PCBP3: variants seen among roughly 807,000 people sequenced by gnomAD.
PCBP3 encodes poly(rC)-binding protein 3.
A neutral mutation model predicts 52.7 loss-of-function variants in PCBP3; 25 were observed. The observed-to-expected ratio is 0.47, with a 90% CI of 0.35 to 0.66. The LOEUF (loss-of-function observed/expected upper bound fraction) is 0.66, where lower values mean the gene tolerates loss of function less well. Ranked by LOEUF, PCBP3 falls within the 30% of genes least tolerant of loss-of-function variation. PCBP3 has a pLI of 0.01. For missense variants in PCBP3, 391 were observed against 490.3 expected, an observed-to-expected ratio of 0.80 and a Z score of 1.91; for synonymous variants, 162 against 183.0, an observed-to-expected ratio of 0.89 and a Z score of 0.93.
At chr21:45,694,069 A>G (rs190960015) in intron 2 of PCBP3, among the ~76,000 whole-genome samples, 43 of 152,254 alleles carry the variant, frequency 2.8e-4, no homozygotes, top group Non-Finnish European at 4.9e-4. Context: ...TGATAACACT[A>G]GAATAAATAA....
chr21:45,891,394 C>T (rs1056959085), intron 5 of PCBP3, among the ~76,000 whole-genome samples: 5 of 152,212 alleles, frequency 3.3e-5, no homozygotes, highest in Admixed American at 6.5e-5. Context: ...GGTTTTTTCC[C>T]ACGGTGGAAT....
chr21:45,846,139 G>A lies in PCBP3; in HGVS notation c.-125-3822G>A, dbSNP rs550789484. Among the ~76,000 whole-genome samples, 7 of 152,296 alleles carry A rather than the reference G, an allele frequency of 4.6e-5. No individual in the cohort carries two copies. The South Asian group carries it at 6.2e-4, about 14-fold the overall frequency. On this transcript the variant is annotated intron_variant, in intron 4 of 17. Coordinates refer to ENST00000681687, the MANE Select transcript of PCBP3 (RefSeq NM_001384156.1). ...AGGCGGGTCACTGCAGGAATGTGTCGTTCTGTCATGTCACTCTCTCGATGT... is the reference window on the plus strand; with the variant it reads ...AGGCGGGTCACTGCAGGAATGTGTCATTCTGTCATGTCACTCTCTCGATGT...
At chr21:45,892,472 G>GA in intron 5 of PCBP3, among the ~76,000 whole-genome samples, 1 of 11,678 alleles carries the variant, frequency 8.6e-5, no homozygotes, top group African/African-American at 4.2e-4. Context: ...ACGGGGCGTG[G>GA]GGGGGGGGGC....
intron 4 of PCBP3, among the ~76,000 whole-genome samples, chr21:45,779,998 C>A (rs778345266): frequency 6.6e-6 from 1 of 152,104 alleles, no homozygotes. Flanking sequence ...TCAACAACAG[C>A]GCCCAGGCAA....
At chr21:45,768,205 C>T (rs1405695552) in intron 4 of PCBP3, among the ~76,000 whole-genome samples, 1 of 152,228 alleles carries the variant, frequency 6.6e-6, no homozygotes, top group Non-Finnish European at 1.5e-5. Flanking sequence ...GTGGTGCCTG[C>T]TGAGGCCTAG....
At chr21:45,822,797 G>C (rs1008544487) in intron 4 of PCBP3, among the ~76,000 whole-genome samples, 1 of 152,202 alleles carries the variant, frequency 6.6e-6, no homozygotes, top group Non-Finnish European at 1.5e-5. Context: ...GACCTTGACT[G>C]TCCTGAGCAG....
chr21:45,813,885 T>C (rs1168623710), intron 4 of PCBP3, among the ~76,000 whole-genome samples: 1 of 152,266 alleles, frequency 6.6e-6, no homozygotes, highest in African/African-American at 2.4e-5. Context: ...TCTACATATG[T>C]GCAGTATTTT....
chr21:45,823,761 A>G (rs1019673955), intron 4 of PCBP3, among the ~76,000 whole-genome samples: 1 of 151,472 alleles, frequency 6.6e-6, no homozygotes, highest in African/African-American at 2.4e-5. Context: ...ATTTATTTTG[A>G]GATGGAGTCC....
At chr21:45,894,275 C>T (rs2095763078) in intron 5 of PCBP3, among the ~76,000 whole-genome samples, 1 of 152,232 alleles carries the variant, frequency 6.6e-6, no homozygotes, top group Non-Finnish European at 1.5e-5. Flanking sequence ...GCACCCCTGG[C>T]AGGAGCTGAC....
chr21:45,838,735 A>G (rs931508808), intron 4 of PCBP3, among the ~76,000 whole-genome samples: 6 of 152,168 alleles, frequency 3.9e-5, no homozygotes, highest in Non-Finnish European at 5.9e-5. Context: ...ATTTAGAGCA[A>G]TATATTTCTT....
intron 4 of PCBP3, among the ~76,000 whole-genome samples, chr21:45,764,779 A>G (rs868103210): frequency 6.6e-6 from 1 of 152,242 alleles, no homozygotes; most frequent in South Asian, 2.1e-4. Flanking sequence ...CATTTACCAC[A>G]TTCTAGCAAG....
intron 1 of PCBP3, among the ~76,000 whole-genome samples, chr21:45,648,242 C>T (rs138434847): frequency 6.6e-5 from 10 of 152,196 alleles, no homozygotes; most frequent in Non-Finnish European, 1.2e-4. Flanking sequence ...AGTAAGAAAC[C>T]GATAAAAACT....
At chr21:45,700,988 C>T (rs2083090851) in intron 2 of PCBP3, among the ~76,000 whole-genome samples, 1 of 152,090 alleles carries the variant, frequency 6.6e-6, no homozygotes, top group African/African-American at 2.4e-5. Flanking sequence ...GCACAGTGTC[C>T]CCACCAAGTG....
chr21:45,762,471 T>TTTTTC (rs1365121674), intron 4 of PCBP3: 1 of 146,936 alleles, frequency 6.8e-6, no homozygotes, highest in Admixed American at 6.9e-5. Context: ...GTGCTTCACC[T>TTTTTC]TTTTCTTTTC....
At chr21:45,926,677 C>T (rs2075454673) in intron 13 of PCBP3, among the ~76,000 whole-genome samples, 1 of 152,164 alleles carries the variant, frequency 6.6e-6, no homozygotes, top group Non-Finnish European at 1.5e-5. Context: ...GGGTCAACCA[C>T]GTGGGGAAAT....
intron 4 of PCBP3, among the ~76,000 whole-genome samples, chr21:45,769,325 G>A (rs1273351096): frequency 6.6e-6 from 1 of 152,196 alleles, no homozygotes; most frequent in Non-Finnish European, 1.5e-5. Context: ...ATTCCTCAGG[G>A]TAAAACTCGC....
At chr21:45,727,979 A>G (rs1246785361) in intron 2 of PCBP3, among the ~76,000 whole-genome samples, 4 of 152,232 alleles carry the variant, frequency 2.6e-5, no homozygotes, top group African/African-American at 4.8e-5. Context: ...ATCGGGCAGT[A>G]TAAGCCCTCC....
Position 45,917,976 on chromosome 21 carries a change from CT to C in PCBP3, c.717+350del. The stretch of plus-strand genomic sequence containing the variant: ...CCGCCACAGGCAGGCGTCAGTGATA[CT>C]TTCTCTGCGCCTAAGAAGTTGGGTG... On this transcript the variant is annotated intron_variant, in intron 13 of 17. Transcript: ENST00000681687. The surrounding 1 kb of genome is among the most constrained non-coding windows in gnomAD (Gnocchi z 5.3). 2.9e-6 allele frequency: 1 copy of C among 340,140 alleles called. No homozygotes were observed. Among genetic ancestry groups the C allele is most frequent in the African/African-American group, 2.1e-5 (1 of 47,160 alleles). The allele number at this position is 340,140 out of a possible 1,614,324, so 21.1% of individuals were successfully genotyped here. A position where few individuals can be genotyped will look rare whatever the true frequency, so the allele number is the denominator to read the frequency against.
chr21:45,881,727 C>T (rs925225468), intron 5 of PCBP3, among the ~76,000 whole-genome samples: 1 of 152,190 alleles, frequency 6.6e-6, no homozygotes, highest in African/African-American at 2.4e-5. Flanking sequence ...CCCCCAACCC[C>T]CCGCAGTCCC....
Sources: allele counts gnomAD v4.1 joint callset (sites outside exome capture counted in the v4.1 genomes callset), GRCh38; gene constraint gnomAD v4.1.1; non-coding constraint Gnocchi (gnomAD v3.1); transcripts MANE v1.5; gene names NCBI Gene and HGNC (gene_info 2026-07-23, HGNC 2026-07-21).